APTX: variants seen among roughly 807,000 people sequenced by gnomAD.
APTX encodes forkhead-associated domain histidine triad-like protein.
A neutral mutation model predicts 42.3 loss-of-function variants in APTX; 33 were observed. The ratio of observed to expected loss-of-function variants is 0.78; its 90% CI spans 0.59 to 1.04. APTX has a LOEUF of 1.04. Ranked by LOEUF, APTX falls within the 50% of genes least tolerant of loss-of-function variation. The probability of loss-of-function intolerance (pLI) is 0.00; values close to 1 mark genes in which losing one functional copy is unlikely to be tolerated. For missense variants in APTX, 421 were observed against 415.1 expected (o/e 1.01, Z -0.12); for synonymous variants, 130 against 146.7 (o/e 0.89, Z 0.82).
rs1461236151 is a variant in APTX at position 32,972,984 on chromosome 9, G to A, written c.*514C>T. 2.2e-6 allele frequency: 1 copy of A among 454,120 alleles called. No homozygotes were observed. The highest frequency in any genetic ancestry group is 6.9e-5 in the East Asian group (1 of 14,396). 28.1% of individuals were successfully genotyped at this position (454,120 alleles called of 1,614,324 possible). On this transcript the variant is annotated 3_prime_UTR_variant, in exon 8 of 8. Transcript: ENST00000379817. ...AGGTAATCTGGGATAGAAGGGCATG[G>A]AAGGACTGGACAAACTAAGCCTCCC...
chr9:33,005,413 T>C (rs1021518894), upstream of APTX, among the ~76,000 whole-genome samples: 1 of 152,044 alleles, frequency 6.6e-6, no homozygotes, highest in Non-Finnish European at 1.5e-5. Flanking sequence ...TTTTGAGGTG[T>C]GGTTTTATTT....
intron 1 of APTX, 44 bp from the exon 2 acceptor site, chr9:32,989,939 A>G (rs1192943290): frequency 5.0e-6 from 8 of 1,590,214 alleles, no homozygotes; most frequent in Non-Finnish European, 6.8e-6. Flanking sequence ...CAGATCCACT[A>G]GCACGAGTCC....
rs1424876914 is a variant in APTX, at chr9:32,972,738, T to C, written c.*760A>G. ...GTGATTGTTAGCTGAACTTCAATAGTTTCCACCTACTTAAGAGAGATGCCT... is the reference window on the plus strand; with the variant it reads ...GTGATTGTTAGCTGAACTTCAATAGCTTCCACCTACTTAAGAGAGATGCCT... On this transcript the variant is annotated 3_prime_UTR_variant, in exon 8 of 8. Coordinates refer to ENST00000379817, the MANE Select transcript of APTX (RefSeq NM_001195248.2). The C allele has an allele frequency of 2.2e-6, 1 of 454,150 alleles. No individual in the cohort carries two copies. The highest frequency in any genetic ancestry group is 1.6e-5 in the South Asian group (1 of 64,472). 28.1% of individuals were successfully genotyped at this position (454,150 alleles called of 1,614,324 possible).
At chr9:32,984,907 T>C (rs1472473308) in intron 5 of APTX, 50 bp from the exon 6 acceptor site, 5 of 1,518,764 alleles carry the variant, frequency 3.3e-6, no homozygotes, top group Admixed American at 1.7e-5. Flanking sequence ...AAGAATCTTC[T>C]GTGTGCCTGG....
intron 6 of APTX, among the ~76,000 whole-genome samples, chr9:32,978,073 T>A (rs930596167): frequency 6.6e-6 from 1 of 152,208 alleles, no homozygotes; most frequent in African/African-American, 2.4e-5. Flanking sequence ...AAGTTTTATG[T>A]GACACAGGAG....
chr9:32,981,009 T>C (rs1226513656), intron 6 of APTX, among the ~76,000 whole-genome samples: 1 of 152,230 alleles, frequency 6.6e-6, no homozygotes, highest in African/African-American at 2.4e-5. Context: ...TAAGCATAGC[T>C]GTATTACAAA....
At chr9:33,003,374 T>C (rs1836860503), upstream of APTX, among the ~76,000 whole-genome samples, 1 of 152,108 alleles carries the variant, frequency 6.6e-6, no homozygotes, top group Admixed American at 6.6e-5. Context: ...CACCAGAACT[T>C]TTTCATCTTG....
At chr9:33,004,285 AG>A (rs1304239343), upstream of APTX, among the ~76,000 whole-genome samples, 1 of 152,186 alleles carries the variant, frequency 6.6e-6, no homozygotes. Flanking sequence ...AGAGAGTGGG[AG>A]GAAGATGAGA....
rs1836558719 is a variant in APTX, at chr9:33,001,616, C to T, written c.-54G>A. 3.1e-6 allele frequency: 5 copies of T among 1,613,744 alleles called. No homozygotes were observed. The highest frequency in any genetic ancestry group is 4.2e-6 in the Non-Finnish European group (5 of 1,179,962). ...TTCACGTTACTCATCTGTGCCTCAC[C>T]GCTTCCGGCGCTGCGGGATGACGTC... On this transcript the variant is annotated 5_prime_UTR_variant, in exon 1 of 8. Transcript: ENST00000379817.
At chr9:32,985,890 G>T in intron 5 of APTX, 81 bp downstream of exon 5, 2 of 1,254,642 alleles carry the variant, frequency 1.6e-6, no homozygotes, top group Non-Finnish European at 2.3e-6. Context: ...GATATCCTTT[G>T]ATTTCATTTG....
chr9:33,009,726 C>T (rs10971307), intron 1 of APTX, among the ~76,000 whole-genome samples: 37,264 of 151,792 alleles, frequency 0.25, 4,676 homozygotes, highest in Middle Eastern at 0.3. Context: ...CTGCAGTAAA[C>T]CATGATTATG....
upstream of APTX, among the ~76,000 whole-genome samples, chr9:33,004,564 C>G (rs1161536776): frequency 6.6e-6 from 1 of 151,580 alleles, no homozygotes; most frequent in Non-Finnish European, 1.5e-5. Context: ...TCCATAGCAG[C>G]TGGATGATTT....
chr9:32,973,806 G>A, intron 7 of APTX, 154 bp from the exon 8 acceptor site: 1 of 924,920 alleles, frequency 1.1e-6, no homozygotes, highest in Non-Finnish European at 1.7e-6. Flanking sequence ...CTTCCCTCAG[G>A]CAAAATGAGC....
chr9:33,021,673 A>G (rs1294708161), intron 1 of APTX, among the ~76,000 whole-genome samples: 1 of 152,130 alleles, frequency 6.6e-6, no homozygotes, highest in East Asian at 1.9e-4. Context: ...TACAAAAAAA[A>G]GGTTGGGGGG....
intron 1 of APTX, chr9:32,990,149 T>C: frequency 2.1e-6 from 1 of 485,516 alleles, no homozygotes; most frequent in South Asian, 3.0e-5. Context: ...GGCAATCAAA[T>C]ATTTATTACA....
rs112929932 is a variant in APTX at position 33,018,661 on chromosome 9, C to T, written c.-5+6362G>A. ...TTGGCAGGCCGAGGCAGGTGGATCA[C>T]GAGGTCAGGAGTTCAAGACCAGCCT... On this transcript the variant is annotated intron_variant, in intron 1 of 6. Transcript: ENST00000436040. Among the ~76,000 whole-genome samples the T allele has an allele frequency of 4.3e-3, 645 of 149,416 alleles. 3 individuals are homozygous for T. The highest frequency in any genetic ancestry group is 0.015 in the African/African-American group (617 of 40,556).
At chr9:32,981,960 G>A (rs775091996) in intron 6 of APTX, among the ~76,000 whole-genome samples, 15 of 151,270 alleles carry the variant, frequency 9.9e-5, no homozygotes, top group Middle Eastern at 3.4e-3. Flanking sequence ...TAGTAGTATA[G>A]TCTCAAAATA....
intron 1 of APTX, among the ~76,000 whole-genome samples, chr9:33,010,673 C>G (rs1436957793): frequency 6.6e-6 from 1 of 150,956 alleles, no homozygotes; most frequent in African/African-American, 2.4e-5. Context: ...GAGCCAAGAT[C>G]ATGCCATTGC....
intron 4 of APTX, among the ~76,000 whole-genome samples, chr9:32,986,508 CTT>C (rs1031065670): frequency 7.2e-6 from 1 of 139,556 alleles, no homozygotes. Flanking sequence ...TATATTCTTT[CTT>C]TTTTTTTTTG....
Sources: allele counts gnomAD v4.1 joint callset (sites outside exome capture counted in the v4.1 genomes callset), GRCh38; gene constraint gnomAD v4.1.1; transcripts MANE v1.5; gene names NCBI Gene and HGNC (gene_info 2026-07-23, HGNC 2026-07-21).